PMEPA1: variants seen among roughly 807,000 people sequenced by gnomAD.
The protein encoded by PMEPA1 is protein TMEPAI.
Under a neutral mutation model 23.0 loss-of-function variants are expected in PMEPA1, and 11 were observed. The ratio of observed to expected loss-of-function variants is 0.48; its 90% CI spans 0.30 to 0.79. PMEPA1 has a LOEUF of 0.79. Ranked by LOEUF, PMEPA1 falls within the 30% of genes least tolerant of loss-of-function variation. The pLI, the probability that PMEPA1 is intolerant of heterozygous loss-of-function variation, is 0.06. For synonymous variants in PMEPA1, 204 were observed against 166.4 expected, an observed-to-expected ratio of 1.23 and a Z score of -1.74; for missense variants, 377 against 390.9, an observed-to-expected ratio of 0.96 and a Z score of 0.30.
At chr20:57,698,493 C>A (rs542498558) in intron 1 of PMEPA1, among the ~76,000 whole-genome samples, 1 of 152,306 alleles carries the variant, frequency 6.6e-6, no homozygotes, top group African/African-American at 2.4e-5. Flanking sequence ...CAAGACCAAA[C>A]CTTTGGCTTT....
chr20:57,652,377 C>G lies in PMEPA1; in HGVS notation c.540G>C (p.Arg180=), dbSNP rs139675568. 7.2e-5 allele frequency: 116 copies of G among 1,613,560 alleles called. No homozygotes were observed. The highest frequency in any genetic ancestry group is 9.4e-5 in the Non-Finnish European group (111 of 1,179,902). ...TGTTTGGGGGTGCGCGCACCGACTC[C>G]CGGTTCAGTTCCAGCTGCTGCTCGG... The part of the protein sequence containing the change: ...RDPEQQLELN[R]ESVRAPPNRT... Residue 180 remains arginine, a synonymous_variant, in exon 4 of 4, where the codon CGG becomes CGC. Coordinates refer to ENST00000341744, the MANE Select transcript of PMEPA1 (RefSeq NM_020182.5). The surrounding 1 kb of genome is among the most constrained non-coding windows in gnomAD (Gnocchi z 6.1).
chr20:57,669,184 A>T (rs2146663307), intron 1 of PMEPA1, among the ~76,000 whole-genome samples: 1 of 105,592 alleles, frequency 9.5e-6, no homozygotes, highest in South Asian at 3.4e-4. Flanking sequence ...TATTTTTGAG[A>T]CAGAGTCTCA....
chr20:57,670,852 T>C (rs919096939), intron 1 of PMEPA1, among the ~76,000 whole-genome samples: 3 of 152,078 alleles, frequency 2.0e-5, no homozygotes, highest in African/African-American at 7.2e-5. Context: ...ACCCCATTCA[T>C]TTCCGAAGCT....
Position 57,650,261 on chromosome 20 carries a change from A to T in PMEPA1, c.*1792T>A, listed in dbSNP as rs913526799. 1 of 152,226 alleles carries T rather than the reference A, an allele frequency of 6.6e-6. No individual in the cohort carries two copies. The highest frequency in any genetic ancestry group is 2.4e-5 in the African/African-American group (1 of 41,468). The allele number at this position is 152,226 out of a possible 1,614,324, so 9.4% of individuals were successfully genotyped here. ...ATAGTTATTGCCTTTTATATCTTTT[A>T]TGTTAGTCTACTAGTCAGCATTCTG... On this transcript the variant is annotated 3_prime_UTR_variant, in exon 4 of 4. Coordinates refer to ENST00000341744, the MANE Select transcript of PMEPA1 (RefSeq NM_020182.5).
intron 1 of PMEPA1, among the ~76,000 whole-genome samples, chr20:57,689,712 G>T (rs1432936265): frequency 6.6e-6 from 1 of 152,196 alleles, no homozygotes; most frequent in East Asian, 1.9e-4. Context: ...GGACCCAGGG[G>T]CCGCCCTGAA....
intron 1 of PMEPA1, among the ~76,000 whole-genome samples, chr20:57,663,485 G>C (rs2071451531): frequency 6.6e-6 from 1 of 152,182 alleles, no homozygotes; most frequent in South Asian, 2.1e-4. Flanking sequence ...AGCATGTAGT[G>C]CTCCCTGGAG....
At chr20:57,653,287 C>T (rs1337399338) in intron 2 of PMEPA1, among the ~76,000 whole-genome samples, 1 of 152,190 alleles carries the variant, frequency 6.6e-6, no homozygotes, top group Non-Finnish European at 1.5e-5. Flanking sequence ...CCTCACTGAT[C>T]CCTGAGGTGC....
intron 2 of PMEPA1, among the ~76,000 whole-genome samples, chr20:57,658,314 C>T (rs2071356263): frequency 6.6e-6 from 1 of 152,174 alleles, no homozygotes; most frequent in Non-Finnish European, 1.5e-5. Context: ...CTCCCGCGCC[C>T]ACTTCACCTG....
At chr20:57,688,022 C>T (rs1432563545) in intron 1 of PMEPA1, among the ~76,000 whole-genome samples, 1 of 152,180 alleles carries the variant, frequency 6.6e-6, no homozygotes, top group Admixed American at 6.5e-5. Context: ...CTGTGAGCAC[C>T]ATAAGGTCAG....
rs1156403231 is a variant in PMEPA1 at position 57,659,633 on chromosome 20, G to A, written c.174C>T (p.Ile58=). The part of the protein sequence containing the change: ...VVVMMVMVVV[I]TCLLSHYKLS... The stretch of plus-strand genomic sequence containing the variant: ...GCTTGTAGTGGCTCAGCAGGCACGT[G>A]ATCACCACCACCATCACCATCATCA... The change falls in exon 2 of 4, where the codon ATC becomes ATT. Residue 58 remains isoleucine, a synonymous_variant. Coordinates refer to ENST00000341744, the MANE Select transcript of PMEPA1 (RefSeq NM_020182.5). The A allele has an allele frequency of 6.2e-7, 1 of 1,611,680 alleles. No individual in the cohort carries two copies. The highest frequency in any genetic ancestry group is 2.2e-5 in the East Asian group (1 of 44,760).
rs143628484 is a variant in PMEPA1 at position 57,657,971 on chromosome 20, G to A, written c.264+1572C>T. On this transcript the variant is annotated intron_variant, in intron 2 of 3. Coordinates refer to ENST00000341744, the MANE Select transcript of PMEPA1 (RefSeq NM_020182.5). ...TTCCCAGCCTGCTCTTTAAACAGCC[G>A]CTTCCTGCCCCACGTGGTTGAGTTA... Among the ~76,000 whole-genome samples, 238 of 152,310 alleles carry A rather than the reference G, an allele frequency of 1.6e-3. 1 individual carries two copies. Among genetic ancestry groups the A allele is most frequent in the Admixed American group, 5.4e-3 (82 of 15,298 alleles).
At chr20:57,653,246 G>A (rs77490913) in intron 2 of PMEPA1, among the ~76,000 whole-genome samples, 160 bp from the exon 3 acceptor site, 9,397 of 152,148 alleles carry the variant, frequency 0.062, 394 homozygotes, top group African/African-American at 0.12. Flanking sequence ...CTGGCCCTGG[G>A]CGCTTTTCCA....
intron 1 of PMEPA1, among the ~76,000 whole-genome samples, chr20:57,680,690 TAAC>T (rs2071700568): frequency 6.6e-6 from 1 of 152,246 alleles, no homozygotes; most frequent in Non-Finnish European, 1.5e-5. Flanking sequence ...GTTTGAAGAA[TAAC>T]AACAACTTAG....
chr20:57,671,579 C>CAT (rs1012105556), intron 1 of PMEPA1, among the ~76,000 whole-genome samples: 4 of 151,970 alleles, frequency 2.6e-5, no homozygotes, highest in Non-Finnish European at 5.9e-5. Flanking sequence ...TATCCCTGTT[C>CAT]ATATATATAT....
chr20:57,684,004 T>G (rs892197147), intron 1 of PMEPA1, among the ~76,000 whole-genome samples: 1 of 152,098 alleles, frequency 6.6e-6, no homozygotes, highest in South Asian at 2.1e-4. Context: ...AGACGAAATG[T>G]CCCACCACGC....
At chr20:57,654,555 T>G (rs570039419) in intron 2 of PMEPA1, among the ~76,000 whole-genome samples, 1 of 152,294 alleles carries the variant, frequency 6.6e-6, no homozygotes, top group Non-Finnish European at 1.5e-5. Context: ...CGAATGGCTC[T>G]GATATTCTTC....
chr20:57,710,587 C>G (rs201891959), upstream of PMEPA1: 1 of 959,678 alleles, frequency 1.0e-6, no homozygotes, highest in Non-Finnish European at 1.6e-6. Context: ...CGGGAACTCG[C>G]GTAGACACGC....
Position 57,655,172 on chromosome 20 carries a change from C to A in PMEPA1, c.265-2086G>T, listed in dbSNP as rs1305250579. Among the ~76,000 whole-genome samples the A allele has an allele frequency of 6.6e-6, 1 of 152,196 alleles. No individual in the cohort carries two copies. ...GGTGCCCAGTGAACACAGACTCTCA[C>A]GTCTTGCCTTTGGATCTGAGCCCAT... On this transcript the variant is annotated intron_variant, in intron 2 of 3. Transcript: ENST00000341744. This position sits in a 1 kb window ranked among gnomAD's most constrained non-coding sequence, Gnocchi z 4.2.
rs1285783041 is a variant in PMEPA1 at position 57,659,608 on chromosome 20, G to T, written c.199C>A (p.Leu67Met). The change falls in exon 2 of 4, where the codon CTG (leucine) becomes ATG (methionine). Residue 67 changes from leucine (L) to methionine (M), a missense_variant. By Grantham distance (15) the Leu-to-Met change is conservative. Coordinates refer to ENST00000341744, the MANE Select transcript of PMEPA1 (RefSeq NM_020182.5). ...CGGCTGATGAAGGACCGTGCAGACAGCTTGTAGTGGCTCAGCAGGCACGTG... is the reference window on the plus strand; with the variant it reads ...CGGCTGATGAAGGACCGTGCAGACATCTTGTAGTGGCTCAGCAGGCACGTG... ...VITCLLSHYK[L>M]SARSFISRHS... 1.2e-6 allele frequency: 2 copies of T among 1,613,582 alleles called. No individual in the cohort carries two copies. The highest frequency in any genetic ancestry group is 3.3e-5 in the Admixed American group (2 of 59,992).
Sources: gnomAD v4.1 joint callset for allele counts (sites outside exome capture counted in the v4.1 genomes callset) on GRCh38, gnomAD v4.1.1 for gene constraint, Gnocchi (gnomAD v3.1) non-coding constraint, MANE v1.5 for transcripts, NCBI Gene and HGNC (gene_info 2026-07-23, HGNC 2026-07-21) for gene names.